The following KLF13 variants were observed in gnomAD, a reference collection of about 807,000 sequenced individuals.
KLF13 encodes Krueppel-like factor 13.
In KLF13, 8 loss-of-function variants were observed where a neutral mutation model predicts 16.7. The observed-to-expected ratio is 0.48, with a 90% CI of 0.28 to 0.87. The LOEUF is 0.87. Ranked by LOEUF, KLF13 falls within the 40% of genes least tolerant of loss-of-function variation. The pLI is 0.10. For missense variants in KLF13, 447 were observed against 452.2 expected, an observed-to-expected ratio of 0.99 and a Z score of 0.10; for synonymous variants, 245 against 208.4, an observed-to-expected ratio of 1.18 and a Z score of -1.51.
At chr15:31,355,203 C>T (rs936616510) in intron 1 of KLF13, among the ~76,000 whole-genome samples, 1 of 152,178 alleles carries the variant, frequency 6.6e-6, no homozygotes, top group Non-Finnish European at 1.5e-5. Context: ...GAGGAAGAGG[C>T]CAGGTGCTCA....
At chr15:31,330,955 G>A (rs779659241) in intron 1 of KLF13, among the ~76,000 whole-genome samples, 46 of 152,168 alleles carry the variant, frequency 3.0e-4, no homozygotes, top group Admixed American at 8.5e-4. Flanking sequence ...ACTCACCTTC[G>A]ATAGGTCAGG....
In KLF13 at chr15:31,377,649, A is replaced by G. The variant is rs576895912; in HGVS notation, c.*5350A>G. ...AACTTTTTTTTAACCAGCACCCACCATAATTCCGAAGGCCACGTTTCATCT... is the reference window on the plus strand; with the variant it reads ...AACTTTTTTTTAACCAGCACCCACCGTAATTCCGAAGGCCACGTTTCATCT... On this transcript the variant is annotated 3_prime_UTR_variant, in exon 2 of 2. Transcript: ENST00000307145. 6.5e-6 allele frequency: 1 copy of G among 152,698 alleles called. No individual in the cohort carries two copies. The highest frequency in any genetic ancestry group is 1.9e-4 in the East Asian group (1 of 5,176). The allele number at this position is 152,698 out of a possible 1,614,324, so 9.5% of individuals were successfully genotyped here. A position where few individuals can be genotyped will look rare whatever the true frequency, so the allele number is the denominator to read the frequency against.
At chr15:31,403,779 A>AGT (rs1192255897) in exon 3 of KLF13, 4 of 152,246 alleles carry the variant, frequency 2.6e-5, no homozygotes, top group African/African-American at 9.6e-5. Context: ...CTATTATGTT[A>AGT]GGATTTTTTC....
At chr15:31,350,192 G>A (rs1053019101) in intron 1 of KLF13, among the ~76,000 whole-genome samples, 12 of 152,226 alleles carry the variant, frequency 7.9e-5, no homozygotes, top group Admixed American at 6.5e-4. Flanking sequence ...AGGGTCTGCC[G>A]CAGTTATGGT....
chr15:31,392,494 G>A (rs2039886053), upstream of KLF13, among the ~76,000 whole-genome samples: 1 of 152,100 alleles, frequency 6.6e-6, no homozygotes, highest in Admixed American at 6.5e-5. Context: ...TTTCCCCCGG[G>A]TCCCCTGCGC....
At chr15:31,327,917 C>T in intron 1 of KLF13, 128 bp downstream of exon 1, 1 of 1,063,988 alleles carries the variant, frequency 9.4e-7, no homozygotes, top group African/African-American at 1.7e-5. Context: ...CGGGGCCTCG[C>T]CCCTTCCCCT....
At chr15:31,397,874 C>CGGGG (rs139315375) in intron 2 of KLF13, among the ~76,000 whole-genome samples, 10 of 90,382 alleles carry the variant, frequency 1.1e-4, no homozygotes, top group East Asian at 5.2e-4. Context: ...GGGGTGGCGG[C>CGGGG]GGGGGGGGTG....
chr15:31,337,132 AG>A (rs1342623959), intron 1 of KLF13, among the ~76,000 whole-genome samples: 1 of 152,200 alleles, frequency 6.6e-6, no homozygotes, highest in Non-Finnish European at 1.5e-5. Flanking sequence ...AGGCATCCAC[AG>A]GGGTGCCATC....
At chr15:31,404,693 G>A (rs2040091682) in exon 3 of KLF13, 1 of 152,310 alleles carries the variant, frequency 6.6e-6, no homozygotes, top group South Asian at 2.1e-4. Context: ...TGGTGTATTT[G>A]TTATTTTGCT....
At chr15:31,389,409 A>G (rs996971028), upstream of KLF13, among the ~76,000 whole-genome samples, 6 of 152,150 alleles carry the variant, frequency 3.9e-5, no homozygotes, top group South Asian at 2.1e-4. Context: ...TCTTGACTCA[A>G]TGGGGGAGGG....
At chr15:31,346,397 T>G (rs1595461534) in intron 1 of KLF13, among the ~76,000 whole-genome samples, 1 of 152,168 alleles carries the variant, frequency 6.6e-6, no homozygotes. Context: ...GACCCTTTGG[T>G]AAAGAGTATG....
At chr15:31,415,672 C>A (rs970541404) in intron 1 of KLF13, among the ~76,000 whole-genome samples, 1 of 151,878 alleles carries the variant, frequency 6.6e-6, no homozygotes, top group Non-Finnish European at 1.5e-5. Flanking sequence ...GCTGTAAATA[C>A]CTATGTTAAA....
At chr15:31,405,976 A>G (rs1044681061), downstream of KLF13, among the ~76,000 whole-genome samples, 2 of 152,230 alleles carry the variant, frequency 1.3e-5, no homozygotes, top group African/African-American at 4.8e-5. Flanking sequence ...TTGCATCCAC[A>G]AAACAAGAAC....
chr15:31,341,831 G>T (rs1335161025), intron 1 of KLF13, among the ~76,000 whole-genome samples: 1 of 152,152 alleles, frequency 6.6e-6, no homozygotes, highest in Non-Finnish European at 1.5e-5. Context: ...CCAGCCCCAG[G>T]CGCATCCAGC....
In KLF13 at chr15:31,350,424, T is replaced by G. The variant is rs548152634; in HGVS notation, c.578-21586T>G. On this transcript the variant is annotated intron_variant, in intron 1 of 1. Transcript: ENST00000307145. ...CAGGTGGACACCTGTGAACTTCATCTCATTACAGATCTCAAAGGAGGGAGT... is the reference window on the plus strand; with the variant it reads ...CAGGTGGACACCTGTGAACTTCATCGCATTACAGATCTCAAAGGAGGGAGT... Among the ~76,000 whole-genome samples, 8 of 152,326 alleles carry G rather than the reference T, an allele frequency of 5.3e-5. No individual in the cohort carries two copies. In the South Asian group the frequency reaches 1.0e-3, roughly 20 times the overall value.
At chr15:31,355,477 G>A (rs1037171408) in intron 1 of KLF13, among the ~76,000 whole-genome samples, 1 of 152,150 alleles carries the variant, frequency 6.6e-6, no homozygotes, top group Non-Finnish European at 1.5e-5. Context: ...CTTTCTGTAC[G>A]TTCATTGTGA....
At chr15:31,327,932 C>T (rs1405373824) in intron 1 of KLF13, 143 bp downstream of exon 1, 2 of 994,534 alleles carry the variant, frequency 2.0e-6, no homozygotes, top group East Asian at 7.0e-5. Context: ...TCCCCTGCCG[C>T]TCCGACCCGC....
intron 1 of KLF13, among the ~76,000 whole-genome samples, chr15:31,347,875 GTGT>G (rs1183687743): frequency 6.6e-6 from 1 of 152,218 alleles, no homozygotes. Flanking sequence ...ACAGGAAGGT[GTGT>G]TGTTGGCTTC....
intron 1 of KLF13, among the ~76,000 whole-genome samples, chr15:31,418,276 A>T (rs1371391401): frequency 1.3e-5 from 2 of 152,316 alleles, no homozygotes; most frequent in East Asian, 3.9e-4. Context: ...TGAAAGAGCG[A>T]TTATCTATTT....
Sources: allele counts gnomAD v4.1 joint callset (sites outside exome capture counted in the v4.1 genomes callset), GRCh38; gene constraint gnomAD v4.1.1; transcripts MANE v1.5; gene names NCBI Gene and HGNC (gene_info 2026-07-23, HGNC 2026-07-21).